The following CHCHD6 variants were observed in gnomAD, a reference collection of about 807,000 sequenced individuals.
CHCHD6 encodes the protein coiled-coil-helix-coiled-coil-helix domain containing 6, also known as MICOS complex subunit MIC25.
In CHCHD6, 28 loss-of-function variants were observed where a neutral mutation model predicts 32.3. The observed-to-expected ratio is 0.87, with a 90% CI of 0.64 to 1.19. CHCHD6 has a LOEUF of 1.19. Ranked by LOEUF, CHCHD6 falls within the 50% of genes most tolerant of loss-of-function variation. The probability of loss-of-function intolerance (pLI) is 0.00; values close to 1 mark genes in which losing one functional copy is unlikely to be tolerated. For synonymous variants in CHCHD6, 122 were observed against 117.5 expected, an observed-to-expected ratio of 1.04 and a Z score of -0.25; for missense variants, 333 against 307.0, an observed-to-expected ratio of 1.08 and a Z score of -0.63.
intron 5 of CHCHD6, among the ~76,000 whole-genome samples, chr3:126,863,195 TCACCACCTTCCCCTCTACCACCATCAC>T (rs1942023147): frequency 1.7e-5 from 1 of 60,372 alleles, no homozygotes; most frequent in Non-Finnish European, 3.4e-5. Context: ...TCCTCCACCA[TCACCACCTTCCCCTCTACCACCATCAC>T]CACCTCCCCC....
At chr3:126,710,730 C>T (rs985913999) in intron 1 of CHCHD6, among the ~76,000 whole-genome samples, 6 of 152,052 alleles carry the variant, frequency 3.9e-5, no homozygotes, top group African/African-American at 7.2e-5. Context: ...TTTTTGGGCT[C>T]GTTGTTGCTA....
At chr3:126,834,053 C>CAAAAAAAA (rs55790919) in intron 4 of CHCHD6, among the ~76,000 whole-genome samples, 8 of 44,422 alleles carry the variant, frequency 1.8e-4, no homozygotes, top group African/African-American at 2.2e-4. Context: ...GACTCCGTCT[C>CAAAAAAAA]AAAAAAAAAA....
intron 4 of CHCHD6, among the ~76,000 whole-genome samples, chr3:126,823,150 C>T (rs553766092): frequency 2.0e-5 from 3 of 152,036 alleles, no homozygotes; most frequent in Non-Finnish European, 4.4e-5. Context: ...CTCCTGGGCT[C>T]AAGTAATCCT....
chr3:126,917,385 C>A (rs2078187010), intron 6 of CHCHD6, among the ~76,000 whole-genome samples: 2 of 152,178 alleles, frequency 1.3e-5, no homozygotes, highest in Admixed American at 6.5e-5. Flanking sequence ...CTGTCCCTTG[C>A]AGGCCCTGCC....
intron 6 of CHCHD6, among the ~76,000 whole-genome samples, chr3:126,953,914 A>G (rs1041126290): frequency 2.6e-5 from 4 of 152,260 alleles, no homozygotes; most frequent in Non-Finnish European, 5.9e-5. Context: ...GCTGTTTTGT[A>G]TGCATTGTAA....
intron 4 of CHCHD6, among the ~76,000 whole-genome samples, chr3:126,752,494 G>A (rs540893896): frequency 2.6e-5 from 4 of 152,332 alleles, no homozygotes; most frequent in East Asian, 3.9e-4. Flanking sequence ...CCCTTCCCCC[G>A]ATGTCATCCT....
At chr3:126,791,115 G>GC (rs945167892) in intron 4 of CHCHD6, among the ~76,000 whole-genome samples, 8 of 152,352 alleles carry the variant, frequency 5.3e-5, no homozygotes, top group Admixed American at 5.2e-4. Context: ...CTGGGTGTCA[G>GC]CAGTGGAGGC....
At chr3:126,957,023 A>G (rs747727643) in intron 6 of CHCHD6, 1 of 253,040 alleles carries the variant, frequency 4.0e-6, no homozygotes, top group Non-Finnish European at 7.8e-6. Context: ...TGTCTCAGGC[A>G]TAAAGGGATG....
chr3:126,926,898 C>T (rs186462077), intron 6 of CHCHD6, among the ~76,000 whole-genome samples: 1 of 152,146 alleles, frequency 6.6e-6, no homozygotes, highest in Non-Finnish European at 1.5e-5. Flanking sequence ...ACTCCCACGC[C>T]GGCACTGTTC....
intron 5 of CHCHD6, among the ~76,000 whole-genome samples, chr3:126,897,691 G>A (rs1280908376): frequency 6.6e-6 from 1 of 152,218 alleles, no homozygotes; most frequent in African/African-American, 2.4e-5. Context: ...CTGGCTGATA[G>A]GATTTAATGA....
chr3:126,816,314 A>G (rs752837944), intron 4 of CHCHD6, among the ~76,000 whole-genome samples: 1 of 152,182 alleles, frequency 6.6e-6, no homozygotes. Flanking sequence ...GCGTTGTCAT[A>G]TTAATCCTGA....
At chr3:126,719,337 C>G (rs769756829) in intron 1 of CHCHD6, among the ~76,000 whole-genome samples, 4 of 152,226 alleles carry the variant, frequency 2.6e-5, no homozygotes, top group African/African-American at 9.6e-5. Flanking sequence ...GGCGTCTTAA[C>G]AGGAATGTCA....
chr3:126,952,896 A>G (rs1222913380), intron 6 of CHCHD6: 4 of 865,092 alleles, frequency 4.6e-6, no homozygotes, highest in Non-Finnish European at 5.6e-6. Flanking sequence ...AGGCAGACCT[A>G]TGCGGCCTGC....
intron 4 of CHCHD6, among the ~76,000 whole-genome samples, chr3:126,847,248 C>T (rs1412039043): frequency 6.6e-6 from 1 of 152,142 alleles, no homozygotes; most frequent in East Asian, 1.9e-4. Flanking sequence ...TTGAAGGCTC[C>T]ACTGGGGGAG....
In CHCHD6 at chr3:126,746,908, T is replaced by C. The variant is rs186549173; in HGVS notation, c.411+13686T>C. On this transcript the variant is annotated intron_variant, in intron 4 of 7. Coordinates refer to ENST00000290913, the MANE Select transcript of CHCHD6 (RefSeq NM_032343.3). ...TGCCACTTCAGGACATTTTATTTAA[T>C]CCGTGGCTGCACAGGCAGCGCTCTG... 4.4e-3 allele frequency among the ~76,000 whole-genome samples: 674 copies of C among 152,276 alleles called. 1 individual carries two copies. The highest frequency in any genetic ancestry group is 6.0e-3 in the Non-Finnish European group (407 of 68,036).
At chr3:126,792,574 A>G (rs971422102) in intron 4 of CHCHD6, among the ~76,000 whole-genome samples, 2 of 151,858 alleles carry the variant, frequency 1.3e-5, no homozygotes, top group African/African-American at 4.8e-5. Flanking sequence ...GCTCCCTGTT[A>G]TTTTTCTTCT....
chr3:126,828,377 GC>G (rs1428923078), intron 4 of CHCHD6, among the ~76,000 whole-genome samples: 1 of 152,182 alleles, frequency 6.6e-6, no homozygotes, highest in Non-Finnish European at 1.5e-5. Context: ...GACTGGGGAT[GC>G]CCAGGCCTCC....
chr3:126,798,387 A>G (rs959996690), intron 4 of CHCHD6, among the ~76,000 whole-genome samples: 8 of 152,202 alleles, frequency 5.3e-5, no homozygotes, highest in Non-Finnish European at 1.2e-4. Context: ...TGATTTCATT[A>G]GAGGCTTTCT....
intron 3 of CHCHD6, among the ~76,000 whole-genome samples, chr3:126,732,722 T>C (rs1330751717): frequency 1.3e-5 from 2 of 152,246 alleles, no homozygotes; most frequent in African/African-American, 4.8e-5. Context: ...AGAGGACTAC[T>C]ACCATCTCAA....
Sources: allele counts gnomAD v4.1 joint callset (sites outside exome capture counted in the v4.1 genomes callset), GRCh38; gene constraint gnomAD v4.1.1; transcripts MANE v1.5; gene names NCBI Gene and HGNC (gene_info 2026-07-23, HGNC 2026-07-21).